The following GREB1L variants were observed in gnomAD, a reference collection of about 807,000 sequenced individuals.
The protein encoded by GREB1L is GREB1 like retinoic acid receptor coactivator, also known as GREB1-like protein.
GREB1L carries 17 observed loss-of-function variants against 200.8 expected under a neutral mutation model. The ratio of observed to expected loss-of-function variants is 0.08; its 90% CI spans 0.06 to 0.13. The LOEUF (loss-of-function observed/expected upper bound fraction) is 0.13. GREB1L is among the 10% of genes least tolerant of loss of function. The pLI, the probability that GREB1L is intolerant of heterozygous loss-of-function variation, is 1.00. For missense variants in GREB1L, 1,657 were observed against 2,367.7 expected (o/e 0.70, Z 6.23); for synonymous variants, 789 against 893.0 (o/e 0.88, Z 2.08).
intron 4 of GREB1L, among the ~76,000 whole-genome samples, chr18:21,392,946 A>AT (rs1396066355): frequency 6.6e-6 from 1 of 151,602 alleles, no homozygotes; most frequent in Non-Finnish European, 1.5e-5. Flanking sequence ...TAATTTTTGT[A>AT]TTTTTTTGTA....
At chr18:21,330,638 G>A (rs2039093712) in intron 1 of GREB1L, among the ~76,000 whole-genome samples, 1 of 152,124 alleles carries the variant, frequency 6.6e-6, no homozygotes, top group Admixed American at 6.6e-5. Context: ...CTCACAGGAA[G>A]TCTCAAATGG....
intron 1 of GREB1L, among the ~76,000 whole-genome samples, chr18:21,321,926 G>C (rs1217714403): frequency 6.6e-6 from 1 of 152,074 alleles, no homozygotes; most frequent in East Asian, 1.9e-4. Flanking sequence ...CCAAACCAGC[G>C]TCATGCTTAA....
chr18:21,454,712 A>G (rs1235730691), intron 15 of GREB1L, 149 bp downstream of exon 15: 2 of 692,670 alleles, frequency 2.9e-6, no homozygotes, highest in Non-Finnish European at 5.0e-6. Context: ...TTTTGGGTTT[A>G]TCTGAAGTTT....
At chr18:21,296,812 C>T (rs556060625) in intron 1 of GREB1L, among the ~76,000 whole-genome samples, 31 of 152,026 alleles carry the variant, frequency 2.0e-4, no homozygotes, top group Non-Finnish European at 4.6e-4. Context: ...ATGCCACCAC[C>T]CCTGGCTAAT....
intron 7 of GREB1L, among the ~76,000 whole-genome samples, chr18:21,427,015 C>T (rs1324776214): frequency 1.4e-5 from 2 of 144,012 alleles, no homozygotes; most frequent in African/African-American, 5.0e-5. Context: ...TTTGGCTATT[C>T]TGGGTCCCTT....
chr18:21,304,196 CT>C (rs1439315791), intron 1 of GREB1L, among the ~76,000 whole-genome samples: 1 of 151,572 alleles, frequency 6.6e-6, no homozygotes, highest in African/African-American at 2.4e-5. Context: ...CCTTGACTTA[CT>C]TTCAAATCTT....
chr18:21,406,475 C>T (rs921586312), intron 7 of GREB1L, among the ~76,000 whole-genome samples: 3 of 152,166 alleles, frequency 2.0e-5, no homozygotes, highest in Non-Finnish European at 4.4e-5. Flanking sequence ...ATAAGTGATG[C>T]TTTGTATCTA....
chr18:21,362,825 A>G (rs559796062), intron 1 of GREB1L, among the ~76,000 whole-genome samples: 3 of 152,338 alleles, frequency 2.0e-5, no homozygotes, highest in African/African-American at 7.2e-5. Context: ...AGTCACAACG[A>G]AAGTCCTAGA....
At chr18:21,359,248 G>A (rs1220496225) in intron 1 of GREB1L, among the ~76,000 whole-genome samples, 2 of 152,176 alleles carry the variant, frequency 1.3e-5, no homozygotes, top group Non-Finnish European at 2.9e-5. Context: ...TCAGGAGTTC[G>A]AGACCAGCCT....
At chr18:21,324,591 C>G (rs1567937037) in intron 1 of GREB1L, among the ~76,000 whole-genome samples, 1 of 152,070 alleles carries the variant, frequency 6.6e-6, no homozygotes, top group Non-Finnish European at 1.5e-5. Context: ...GCAGGCAGAT[C>G]ACAGGTCAGG....
intron 1 of GREB1L, among the ~76,000 whole-genome samples, chr18:21,264,853 T>C (rs997812110): frequency 6.6e-6 from 1 of 152,168 alleles, no homozygotes; most frequent in African/African-American, 2.4e-5. Flanking sequence ...TGCTCATAGC[T>C]GTCATTCAGG....
intron 6 of GREB1L, chr18:21,401,837 A>T (rs1173223085): frequency 6.6e-6 from 1 of 152,356 alleles, no homozygotes; most frequent in Admixed American, 6.5e-5. Context: ...ATAGAAATGA[A>T]TCCAGTTGAA....
At chr18:21,395,126 A>G (rs1274869582) in intron 4 of GREB1L, among the ~76,000 whole-genome samples, 1 of 151,042 alleles carries the variant, frequency 6.6e-6, no homozygotes, top group African/African-American at 2.4e-5. Flanking sequence ...AAAAAAAGAA[A>G]AAAAAAAGAA....
At chr18:21,257,956 G>C (rs2037827549) in intron 1 of GREB1L, among the ~76,000 whole-genome samples, 1 of 152,094 alleles carries the variant, frequency 6.6e-6, no homozygotes, top group Admixed American at 6.5e-5. Context: ...ATAAGGCTTA[G>C]GTAAATTTCA....
At chr18:21,444,522 CTTCTAATG>C (rs1482219614) in intron 11 of GREB1L, 113 bp downstream of exon 11, 8 of 859,358 alleles carry the variant, frequency 9.3e-6, no homozygotes, top group Non-Finnish European at 1.4e-5. Context: ...CCCTCTTTCG[CTTCTAATG>C]TTCTTTCCCT....
At chr18:21,275,047 C>A (rs1375108742) in intron 1 of GREB1L, among the ~76,000 whole-genome samples, 1 of 152,154 alleles carries the variant, frequency 6.6e-6, no homozygotes. Context: ...CGAGACCATC[C>A]TGGCTAACAC....
rs551873534 is a variant in GREB1L, at chr18:21,271,139, T to C, written c.-120+28746T>C. ...CAATAGATGATGACAAACAATGAAG[T>C]GTGACTGTTATTTAACAGTATATAA... On this transcript the variant is annotated intron_variant, in intron 1 of 32. Coordinates refer to ENST00000424526, the MANE Select transcript of GREB1L (RefSeq NM_001142966.3). Among the ~76,000 whole-genome samples, 3 of 152,332 alleles carry C rather than the reference T, an allele frequency of 2.0e-5. No individual in the cohort carries two copies. The East Asian group carries it at 5.8e-4, about 29-fold the overall frequency.
In GREB1L at chr18:21,487,022, G is replaced by A. The variant is rs536279134; in HGVS notation, c.2690+1269G>A. On this transcript the variant is annotated intron_variant, in intron 18 of 32. Transcript: ENST00000424526. ...CCGGAAAGAGCACAGGCTCAAGTAC[G>A]GTTTGATATTTTTGCAGCTGTTGGA... Among the ~76,000 whole-genome samples the A allele has an allele frequency of 9.2e-5, 14 of 152,226 alleles. No individual in the cohort carries two copies. The East Asian group carries it at 1.7e-3, about 19-fold the overall frequency.
intron 1 of GREB1L, among the ~76,000 whole-genome samples, chr18:21,318,105 CAAA>C (rs61304976): frequency 6.4e-4 from 57 of 89,646 alleles, no homozygotes; most frequent in African/African-American, 1.3e-3. Flanking sequence ...GAGATTCCGT[CAAA>C]AAAAAAAAAA....
Sources: allele counts gnomAD v4.1 joint callset (sites outside exome capture counted in the v4.1 genomes callset), GRCh38; gene constraint gnomAD v4.1.1; transcripts MANE v1.5; gene names NCBI Gene and HGNC (gene_info 2026-07-23, HGNC 2026-07-21).